MAEA: variants seen among roughly 807,000 people sequenced by gnomAD.
MAEA encodes macrophage erythroblast attacher, E3 ubiquitin ligase, also known as E3 ubiquitin-protein transferase MAEA.
A neutral mutation model predicts 46.2 loss-of-function variants in MAEA; 22 were observed. The observed-to-expected ratio is 0.48, with a 90% confidence interval of 0.34 to 0.68. The LOEUF (loss-of-function observed/expected upper bound fraction) is 0.68, where lower values mean the gene tolerates loss of function less well. Ranked by LOEUF, MAEA falls within the 30% of genes least tolerant of loss-of-function variation. The pLI is 0.01. For missense variants in MAEA, 393 were observed against 558.1 expected (o/e 0.70, Z 2.98); for synonymous variants, 246 against 222.6 (o/e 1.11, Z -0.94).
intron 3 of MAEA, among the ~76,000 whole-genome samples, 169 bp downstream of exon 3, chr4:1,315,769 C>T (rs1191165246): frequency 8.9e-6 from 1 of 112,810 alleles, no homozygotes; most frequent in East Asian, 3.2e-4. Context: ...TGCGTGTGTC[C>T]CCCCTCCAGT....
At chr4:1,328,985 T>C in intron 5 of MAEA, 1 of 991,592 alleles carries the variant, frequency 1.0e-6, no homozygotes, top group Non-Finnish European at 1.2e-6. Flanking sequence ...GGGCTCCCGC[T>C]CTGCTCTGGC....
chr4:1,320,784 T>C (rs1737984928), intron 3 of MAEA, among the ~76,000 whole-genome samples: 1 of 151,528 alleles, frequency 6.6e-6, no homozygotes, highest in Non-Finnish European at 1.5e-5. Flanking sequence ...ATGAAGGGGC[T>C]TCAGAAAAGA....
intron 4 of MAEA, chr4:1,323,652 C>G (rs1341250017): frequency 2.9e-6 from 2 of 701,412 alleles, no homozygotes; most frequent in Non-Finnish European, 5.2e-6. Flanking sequence ...GCCCCACACT[C>G]CCTCCCAGAG....
chr4:1,294,009 CT>C (rs1416736245), intron 1 of MAEA, among the ~76,000 whole-genome samples: 5 of 152,246 alleles, frequency 3.3e-5, no homozygotes, highest in Non-Finnish European at 7.3e-5. Context: ...AAGCGTTTGA[CT>C]TACTGACACA....
chr4:1,307,960 A>G (rs1203036009), intron 1 of MAEA, among the ~76,000 whole-genome samples: 1 of 151,802 alleles, frequency 6.6e-6, no homozygotes, highest in Non-Finnish European at 1.5e-5. Context: ...AGGTATCCCA[A>G]ATCCCATCAA....
chr4:1,310,722 G>C (rs903327814), intron 1 of MAEA, among the ~76,000 whole-genome samples: 3 of 152,222 alleles, frequency 2.0e-5, no homozygotes, highest in Non-Finnish European at 4.4e-5. Flanking sequence ...TCGGCGCTGG[G>C]GGATGTCTGA....
chr4:1,312,962 G>T (rs371830559), intron 2 of MAEA, among the ~76,000 whole-genome samples: 1 of 152,332 alleles, frequency 6.6e-6, no homozygotes, highest in East Asian at 1.9e-4. Flanking sequence ...AGAGACTGCT[G>T]TTGTCCCCTG....
At chr4:1,310,763 G>C (rs1228557258) in intron 1 of MAEA, among the ~76,000 whole-genome samples, 1 of 152,230 alleles carries the variant, frequency 6.6e-6, no homozygotes, top group Non-Finnish European at 1.5e-5. Flanking sequence ...GGCCGAGTGG[G>C]GAGTGGCAGC....
chr4:1,328,648 G>A (rs537073395), intron 5 of MAEA: 12 of 1,275,270 alleles, frequency 9.4e-6, no homozygotes, highest in Admixed American at 2.4e-5. Context: ...CCGGGTGGCC[G>A]AGTGTTCCAC....
chr4:1,317,487 G>T (rs1004860047), intron 3 of MAEA, among the ~76,000 whole-genome samples: 4 of 151,766 alleles, frequency 2.6e-5, no homozygotes, highest in African/African-American at 9.7e-5. Flanking sequence ...ATGCTGCCCT[G>T]GGTGGAGCGG....
At position 1,316,246 on chromosome 4, in the gene MAEA, C is replaced by T. The variant is rs759537605; in HGVS notation, c.456+646C>T. Among the ~76,000 whole-genome samples, 20 of 152,316 alleles carry T rather than the reference C, an allele frequency of 1.3e-4. 1 individual carries two copies. The East Asian group carries it at 1.9e-3, about 15-fold the overall frequency. On this transcript the variant is annotated intron_variant, in intron 3 of 8. Coordinates refer to ENST00000303400, the MANE Select transcript of MAEA (RefSeq NM_001017405.3). The stretch of plus-strand genomic sequence containing the variant: ...CCCTCTGTGGCTACAGCTGAGCAGA[C>T]GCTGGGCGGTGCTGCCCTCTGGCAC...
intron 1 of MAEA, among the ~76,000 whole-genome samples, chr4:1,300,995 C>T (rs370513588): frequency 2.0e-5 from 3 of 152,190 alleles, no homozygotes; most frequent in Non-Finnish European, 2.9e-5. Context: ...CCCTCCAGGA[C>T]GGAGAGGGAT....
chr4:1,309,312 C>A, intron 1 of MAEA: 1 of 578,100 alleles, frequency 1.7e-6, no homozygotes, highest in Non-Finnish European at 2.4e-6. Context: ...CACTCGGTCA[C>A]CAAATGCCCT....
intron 1 of MAEA, among the ~76,000 whole-genome samples, chr4:1,294,986 G>C (rs1286485397): frequency 6.6e-6 from 1 of 152,182 alleles, no homozygotes; most frequent in Non-Finnish European, 1.5e-5. Context: ...GGGTGATGTG[G>C]CTGGGGGTGT....
chr4:1,336,780 T>TTC, intron 6 of MAEA, 81 bp from the exon 7 acceptor site: 2 of 1,429,634 alleles, frequency 1.4e-6, no homozygotes, highest in Non-Finnish European at 1.9e-6. Flanking sequence ...TGGCACCTGC[T>TTC]TCACCATGGT....
At chr4:1,338,699 G>A (rs952355115) in intron 8 of MAEA, 82 bp downstream of exon 8, 1 of 1,272,302 alleles carries the variant, frequency 7.9e-7, no homozygotes. Context: ...GGGCAGGGGG[G>A]CCAGGCTGGC....
In MAEA at chr4:1,311,528, G is replaced by A. The variant is rs1364075795; in HGVS notation, c.70-451G>A. ...GGCTTGCTGTGCCCAACCCCAGCCC[G>A]TGTGGAGCCCACGCCCCATGCACCC... On this transcript the variant is annotated intron_variant, in intron 1 of 8. Coordinates refer to ENST00000303400, the MANE Select transcript of MAEA (RefSeq NM_001017405.3). This position sits in a 1 kb window ranked among gnomAD's most constrained non-coding sequence, Gnocchi z 4.4. Among the ~76,000 whole-genome samples the A allele has an allele frequency of 1.3e-5, 2 of 152,116 alleles. No homozygotes were observed. The highest frequency in any genetic ancestry group is 4.8e-5 in the African/African-American group (2 of 41,408).
rs952121960 is a variant in MAEA at position 1,311,019 on chromosome 4, C to T, written c.70-960C>T. Among the ~76,000 whole-genome samples, 10 of 152,050 alleles carry T rather than the reference C, an allele frequency of 6.6e-5. No individual in the cohort carries two copies. The highest frequency in any genetic ancestry group is 7.4e-5 in the Non-Finnish European group (5 of 68,006). On this transcript the variant is annotated intron_variant, in intron 1 of 8. Transcript: ENST00000303400. The surrounding 1 kb of genome is among the most constrained non-coding windows in gnomAD (Gnocchi z 4.4). ...CTAAGCACAGTGGCTGACACGAGGT[C>T]GAGGCGTGCCCAGGGCCGGGGGAGC...
chr4:1,329,534 A>T, intron 5 of MAEA: 2 of 984,886 alleles, frequency 2.0e-6, no homozygotes, highest in Non-Finnish European at 2.4e-6. Context: ...CCGGGCAGGC[A>T]TGGCAAACAA....
Sources: allele counts gnomAD v4.1 joint callset (sites outside exome capture counted in the v4.1 genomes callset), GRCh38; gene constraint gnomAD v4.1.1; non-coding constraint Gnocchi (gnomAD v3.1); transcripts MANE v1.5; gene names NCBI Gene and HGNC (gene_info 2026-07-23, HGNC 2026-07-21).